Variants in CLSTN1 observed in about 807,000 individuals in gnomAD.
CLSTN1 encodes calsyntenin 1.
CLSTN1 carries 28 observed loss-of-function variants against 108.3 expected under a neutral mutation model. The observed-to-expected ratio is 0.26, with a 90% CI of 0.19 to 0.35. The LOEUF (loss-of-function observed/expected upper bound fraction) is 0.35. CLSTN1 is among the 10% of genes least tolerant of loss of function. The probability of loss-of-function intolerance (pLI) is 1.00; values close to 1 mark genes in which losing one functional copy is unlikely to be tolerated. For synonymous variants in CLSTN1, 524 were observed against 534.9 expected (o/e 0.98, Z 0.28); for missense variants, 1,157 against 1,302.6 (o/e 0.89, Z 1.72).
chr1:9,786,840 C>T (rs1275353716), intron 1 of CLSTN1, among the ~76,000 whole-genome samples: 1 of 151,040 alleles, frequency 6.6e-6, no homozygotes, highest in African/African-American at 2.4e-5. Flanking sequence ...TGTTGGGGAG[C>T]GCAAGGCATG....
rs201097971 is a variant in CLSTN1, at chr1:9,776,862, T to C, written c.92-3468A>G. On this transcript the variant is annotated intron_variant, in intron 1 of 18. Coordinates refer to ENST00000377298, the MANE Select transcript of CLSTN1 (RefSeq NM_001009566.3). ...GCATTTATCTATCATCTATCAGCATTTATCTATCTATCTATCTATCTATCT... is the reference window on the plus strand; with the variant it reads ...GCATTTATCTATCATCTATCAGCATCTATCTATCTATCTATCTATCTATCT... Among the ~76,000 whole-genome samples the C allele has an allele frequency of 2.8e-4, 39 of 140,126 alleles. 1 individual carries two copies. Among genetic ancestry groups the C allele is most frequent in the African/African-American group, 1.1e-3 (36 of 33,792 alleles). 91.9% of individuals were successfully genotyped at this position (140,126 alleles called of 152,430 possible).
intron 16 of CLSTN1, among the ~76,000 whole-genome samples, chr1:9,732,357 C>G (rs962378520): frequency 1.3e-5 from 2 of 152,166 alleles, no homozygotes; most frequent in Admixed American, 1.3e-4. Flanking sequence ...CACCACGCAC[C>G]TGGCTGCAAT....
intron 1 of CLSTN1, among the ~76,000 whole-genome samples, chr1:9,774,374 T>G (rs1027754103): frequency 4.6e-5 from 7 of 152,052 alleles, no homozygotes; most frequent in African/African-American, 1.7e-4. Flanking sequence ...GTGACCAGCC[T>G]GGCCAATATG....
chr1:9,751,532 C>T lies in CLSTN1; in HGVS notation c.590G>A (p.Ser197Asn), dbSNP rs780043383. 8.1e-6 allele frequency: 13 copies of T among 1,614,032 alleles called. No individual in the cohort carries two copies. The South Asian group carries it at 1.2e-4, about 15-fold the overall frequency. ...GATGATTTCGTAGCTGCAAATCTGG[C>T]TGAACTGAGGGGAGCAGTCGGCATC... Reference protein sequence around the residue: ...AVDADCSPQFSQICSYEIITP... With the variant: ...AVDADCSPQFNQICSYEIITP... The change falls in exon 5 of 19, where the codon AGC (serine) becomes AAC (asparagine). Residue 197 changes from serine to asparagine, a missense_variant. Transcript: ENST00000377298.
In CLSTN1 at chr1:9,749,612, G is replaced by A. The variant is rs760385634; in HGVS notation, c.834C>T (p.Thr278=). The A allele has an allele frequency of 4.6e-5, 74 of 1,614,066 alleles. No individual in the cohort carries two copies. Among genetic ancestry groups the A allele is most frequent in the Middle Eastern group, 1.6e-4 (1 of 6,084 alleles). The change falls in exon 7 of 19, where the codon ACC becomes ACT. Residue 278 remains threonine (T), a synonymous_variant. Transcript: ENST00000377298. ...TATTTGGAAAGACGGCCAACGCGCCGGTGCCCGGCTCATACTCAATCCTGT... is the reference window on the plus strand; with the variant it reads ...TATTTGGAAAGACGGCCAACGCGCCAGTGCCCGGCTCATACTCAATCCTGT... The part of the protein sequence containing the change: ...WNNRIEYEPG[T]GALAVFPNIH...
At chr1:9,747,643 C>T (rs918332417) in intron 7 of CLSTN1, among the ~76,000 whole-genome samples, 1 of 151,956 alleles carries the variant, frequency 6.6e-6, no homozygotes, top group Non-Finnish European at 1.5e-5. Flanking sequence ...AGTATAGGCA[C>T]CTCGCACCAC....
intron 1 of CLSTN1, among the ~76,000 whole-genome samples, chr1:9,813,397 G>A (rs1408551169): frequency 6.6e-6 from 1 of 151,620 alleles, no homozygotes; most frequent in East Asian, 1.9e-4. Flanking sequence ...TACTCGGGAA[G>A]CTGAGGCACG....
At chr1:9,755,992 C>T (rs1033354784) in intron 3 of CLSTN1, among the ~76,000 whole-genome samples, 19 of 152,126 alleles carry the variant, frequency 1.2e-4, no homozygotes, top group Non-Finnish European at 1.8e-4. Context: ...GCCTTTGTTT[C>T]GGACTTTATC....
At chr1:9,770,367 GA>G (rs566879214) in intron 2 of CLSTN1, among the ~76,000 whole-genome samples, 103 of 152,234 alleles carry the variant, frequency 6.8e-4, no homozygotes, top group African/African-American at 2.1e-3. Flanking sequence ...AATACAGTAA[GA>G]AAAAAATATT....
chr1:9,783,491 G>A (rs549781156), intron 1 of CLSTN1, among the ~76,000 whole-genome samples: 72 of 152,012 alleles, frequency 4.7e-4, no homozygotes, highest in Non-Finnish European at 8.4e-4. Context: ...AGGCCAAGGC[G>A]GGTGGATCAC....
At chr1:9,758,225 T>C (rs924544065) in intron 2 of CLSTN1, among the ~76,000 whole-genome samples, 3 of 152,162 alleles carry the variant, frequency 2.0e-5, no homozygotes, top group African/African-American at 7.2e-5. Flanking sequence ...ACTCCTGGCA[T>C]CAGGTGATCC....
At chr1:9,776,560 CAG>C (rs1652952680) in intron 1 of CLSTN1, among the ~76,000 whole-genome samples, 1 of 152,090 alleles carries the variant, frequency 6.6e-6, no homozygotes, top group South Asian at 2.1e-4. Context: ...AACTCAGACA[CAG>C]CCATTTCTTA....
intron 2 of CLSTN1, among the ~76,000 whole-genome samples, chr1:9,767,869 G>C (rs1229058369): frequency 2.0e-5 from 3 of 152,152 alleles, no homozygotes; most frequent in Non-Finnish European, 4.4e-5. Context: ...ATTTTTAAAA[G>C]ATTCTATTAG....
intron 7 of CLSTN1, among the ~76,000 whole-genome samples, chr1:9,746,983 G>A (rs934543887): frequency 6.6e-6 from 1 of 151,144 alleles, no homozygotes; most frequent in Non-Finnish European, 1.5e-5. Flanking sequence ...AGTTGGAGAC[G>A]AGCCTCGCCA....
At chr1:9,787,479 C>T (rs1356052458) in intron 1 of CLSTN1, among the ~76,000 whole-genome samples, 5 of 146,534 alleles carry the variant, frequency 3.4e-5, no homozygotes, top group Non-Finnish European at 5.9e-5. Context: ...TCTCGGCTCA[C>T]TGCAAGCTCC....
chr1:9,814,247 C>CAAAAAAAAAAA lies in CLSTN1; in HGVS notation c.91+9385_91+9395dup, dbSNP rs558624346. On this transcript the variant is annotated intron_variant, in intron 1 of 18. Coordinates refer to ENST00000377298, the MANE Select transcript of CLSTN1 (RefSeq NM_001009566.3). ...CAATATGGTAAAACCCCATCTCTAC[C>CAAAAAAAAAAA]AAAAAAAAAAAAAAAAAAGCCAGGC... Among the ~76,000 whole-genome samples the CAAAAAAAAAAA allele has an allele frequency of 1.2e-4, 11 of 94,924 alleles. No homozygotes were observed. In the East Asian group the frequency reaches 1.5e-3, roughly 13 times the overall value. 62.3% of individuals were successfully genotyped at this position (94,924 alleles called of 152,430 possible). A position where few individuals can be genotyped will look rare whatever the true frequency, so the allele number is the denominator to read the frequency against.
chr1:9,801,199 C>T (rs1021666589), intron 1 of CLSTN1, among the ~76,000 whole-genome samples: 2 of 151,754 alleles, frequency 1.3e-5, no homozygotes, highest in South Asian at 2.1e-4. Flanking sequence ...AAGCTGAGAT[C>T]GTGCCATTGC....
At chr1:9,788,192 G>A (rs1341673415) in intron 1 of CLSTN1, among the ~76,000 whole-genome samples, 2 of 151,452 alleles carry the variant, frequency 1.3e-5, no homozygotes, top group East Asian at 3.9e-4. Flanking sequence ...GGAGGTCGAG[G>A]CTGCAGTACG....
intron 7 of CLSTN1, among the ~76,000 whole-genome samples, chr1:9,746,206 T>C (rs1209120857): frequency 6.6e-6 from 1 of 152,152 alleles, no homozygotes; most frequent in Non-Finnish European, 1.5e-5. Context: ...ATTATTCCCT[T>C]AAAATAAATT....
Sources: gnomAD v4.1 joint callset for allele counts (sites outside exome capture counted in the v4.1 genomes callset) on GRCh38, gnomAD v4.1.1 for gene constraint, MANE v1.5 for transcripts, NCBI Gene and HGNC (gene_info 2026-07-23, HGNC 2026-07-21) for gene names.